Variants in WDR64 observed in about 807,000 individuals in gnomAD.
The protein encoded by WDR64 is WD repeat domain 64, also known as WD repeat-containing protein 64.
Under a neutral mutation model 139.3 loss-of-function variants are expected in WDR64, and 112 were observed. That is an observed-to-expected ratio of 0.80 (90% CI 0.69 to 0.94). The LOEUF (loss-of-function observed/expected upper bound fraction) is 0.94, where lower values mean the gene tolerates loss of function less well. Among genes scored for constraint, WDR64 ranks in the 40% least tolerant of loss-of-function variants. The probability of loss-of-function intolerance (pLI) is 0.00; values close to 1 mark genes in which losing one functional copy is unlikely to be tolerated. For synonymous variants in WDR64, 444 were observed against 437.7 expected (o/e 1.01, Z -0.18); for missense variants, 1,206 against 1,293.1 (o/e 0.93, Z 1.03).
intron 10 of WDR64, among the ~76,000 whole-genome samples, chr1:241,736,113 A>G (rs1247498773): frequency 1.3e-5 from 2 of 151,934 alleles, no homozygotes; most frequent in Non-Finnish European, 2.9e-5. Context: ...ACATGCTGCT[A>G]CCTCTGCTGT....
At chr1:241,732,388 A>G (rs1157032204) in intron 10 of WDR64, among the ~76,000 whole-genome samples, 1 of 152,184 alleles carries the variant, frequency 6.6e-6, no homozygotes, top group African/African-American at 2.4e-5. Context: ...GCTTCTATTA[A>G]TCTTTGTATC....
Position 241,753,383 on chromosome 1 carries a change from G to A in WDR64, c.1770+3661G>A, listed in dbSNP as rs538380202. Among the ~76,000 whole-genome samples, 17 of 152,110 alleles carry A rather than the reference G, an allele frequency of 1.1e-4. No homozygotes were observed. The South Asian group carries it at 3.5e-3, about 32-fold the overall frequency. The stretch of plus-strand genomic sequence containing the variant: ...ACAATTCAAAAATTAAAAATTAATG[G>A]CCTCTCATCAATAATAACCAGTTAG... On this transcript the variant is annotated intron_variant, in intron 14 of 27. Coordinates refer to ENST00000437684, the MANE Select transcript of WDR64 (RefSeq NM_001367482.1).
chr1:241,737,242 AG>A (rs1669365394), intron 10 of WDR64, among the ~76,000 whole-genome samples: 4 of 152,388 alleles, frequency 2.6e-5, no homozygotes, highest in African/African-American at 9.6e-5. Flanking sequence ...TAGCCTACAG[AG>A]GGTTTACATT....
At chr1:241,712,156 A>G (rs1251776772) in intron 9 of WDR64, among the ~76,000 whole-genome samples, 1 of 151,948 alleles carries the variant, frequency 6.6e-6, no homozygotes, top group Non-Finnish European at 1.5e-5. Context: ...ATCCATCTGG[A>G]GCTTATTTTA....
In WDR64 at chr1:241,723,211, AGATACGGGTAT is replaced by A. The variant is rs1385533978; in HGVS notation, c.1055-80_1055-70del. The A allele has an allele frequency of 2.0e-6, 3 of 1,499,982 alleles. No individual in the cohort carries two copies. The South Asian group carries it at 3.8e-5, about 19-fold the overall frequency. The allele number at this position is 1,499,982 out of a possible 1,614,324, so 92.9% of individuals were successfully genotyped here. ...GGACTGTGATTTGCTGTTCGAAGAA[AGATACGGGTAT>A]GATACAGTGAGAGATACATTTGAAA... On this transcript the variant is annotated intron_variant, in intron 9 of 27. Transcript: ENST00000437684.
chr1:241,742,342 C>T (rs181425247), intron 12 of WDR64, among the ~76,000 whole-genome samples: 1 of 152,220 alleles, frequency 6.6e-6, no homozygotes, highest in Non-Finnish European at 1.5e-5. Context: ...TACTGGGCTG[C>T]ATTCCCAGAT....
At chr1:241,791,333 TG>T (rs1659209762) in intron 25 of WDR64, among the ~76,000 whole-genome samples, 1 of 152,122 alleles carries the variant, frequency 6.6e-6, no homozygotes, top group South Asian at 2.1e-4. Flanking sequence ...TCTGACCATG[TG>T]GTCACACAGC....
rs1659522167 is a variant in WDR64, at chr1:241,801,377, A to C, written c.*162A>C. 1.7e-5 allele frequency: 10 copies of C among 579,056 alleles called. No homozygotes were observed. The highest frequency in any genetic ancestry group is 3.0e-5 in the Non-Finnish European group (10 of 338,140). 35.9% of individuals were successfully genotyped at this position (579,056 alleles called of 1,614,324 possible). On this transcript the variant is annotated 3_prime_UTR_variant, in exon 28 of 28. Transcript: ENST00000437684. ...AAAGATTGCTTAGGGAGTTCTGGTGACCTTAACTCTGAATACCAAGCAAGC... is the reference window on the plus strand; with the variant it reads ...AAAGATTGCTTAGGGAGTTCTGGTGCCCTTAACTCTGAATACCAAGCAAGC...
intron 4 of WDR64, among the ~76,000 whole-genome samples, chr1:241,677,904 T>A (rs1470556651): frequency 6.6e-6 from 1 of 152,196 alleles, no homozygotes; most frequent in Admixed American, 6.5e-5. Context: ...AAAAATATGA[T>A]GTAGTTTGCA....
intron 12 of WDR64, among the ~76,000 whole-genome samples, chr1:241,743,728 T>C (rs911362748): frequency 1.3e-5 from 2 of 152,224 alleles, no homozygotes; most frequent in Non-Finnish European, 2.9e-5. Context: ...GTCTAAGGCC[T>C]CTACTGTGTT....
chr1:241,726,398 C>T (rs1399060574), intron 10 of WDR64, among the ~76,000 whole-genome samples: 4 of 146,330 alleles, frequency 2.7e-5, no homozygotes, highest in Non-Finnish European at 6.1e-5. Context: ...AGTGAGACAC[C>T]ATCTTTAAAA....
rs145582321 is a variant in WDR64, at chr1:241,741,163, T to C, written c.1322-353T>C. Among the ~76,000 whole-genome samples, 3 of 152,228 alleles carry C rather than the reference T, an allele frequency of 2.0e-5. No individual in the cohort carries two copies. The East Asian group carries it at 5.8e-4, about 29-fold the overall frequency. On this transcript the variant is annotated intron_variant, in intron 11 of 27. Transcript: ENST00000437684. ...AAGCTGGTCATCACCACTATTGCTG[T>C]GCAACAGATGGAGAGGCATGCTGCA...
chr1:241,800,253 A>T (rs1225365297), intron 27 of WDR64, among the ~76,000 whole-genome samples: 1 of 152,156 alleles, frequency 6.6e-6, no homozygotes, highest in Non-Finnish European at 1.5e-5. Context: ...GTCCAAGCTT[A>T]AAGGATCCGT....
intron 13 of WDR64, among the ~76,000 whole-genome samples, chr1:241,748,355 C>T (rs956075794): frequency 2.6e-5 from 4 of 152,256 alleles, no homozygotes; most frequent in Non-Finnish European, 5.9e-5. Flanking sequence ...CTGGGAAGTT[C>T]GAGATCAAGG....
intron 25 of WDR64, among the ~76,000 whole-genome samples, chr1:241,794,502 C>CTTTTTTTTTTT (rs1659299229): frequency 9.5e-6 from 1 of 105,024 alleles, no homozygotes; most frequent in African/African-American, 4.0e-5. Context: ...TTAAGCTTTA[C>CTTTTTTTTTTT]TGTTTTTTTT....
intron 21 of WDR64, among the ~76,000 whole-genome samples, chr1:241,777,417 CTTT>C (rs35263289): frequency 0.014 from 2,063 of 147,978 alleles, 21 homozygotes; most frequent in East Asian, 0.038. Context: ...GTAATTTCAC[CTTT>C]TTTTTTTTTT....
Position 241,660,654 on chromosome 1 carries a change from G to C in WDR64, c.270G>C (p.Trp90Cys). ...LCNNTDASADWCEIFGYFSSE... is the reference protein window; with the variant it reads ...LCNNTDASADCCEIFGYFSSE... ...ACAACACGGATGCATCTGCAGACTG[G>C]TGTGAGGTAGACTCATTTCATGTTC... Residue 90 changes from tryptophan to cysteine, a missense_variant, in exon 2 of 28, where the codon TGG (tryptophan) becomes TGC (cysteine). Trp to Cys is a radical substitution (Grantham distance 215). Coordinates refer to ENST00000437684, the MANE Select transcript of WDR64 (RefSeq NM_001367482.1). 1.3e-6 allele frequency: 2 copies of C among 1,551,046 alleles called. No homozygotes were observed. Among genetic ancestry groups the C allele is most frequent in the Non-Finnish European group, 1.7e-6 (2 of 1,146,620 alleles).
chr1:241,654,678 T>G (rs2148047252), intron 1 of WDR64, among the ~76,000 whole-genome samples: 1 of 152,338 alleles, frequency 6.6e-6, no homozygotes, highest in South Asian at 2.1e-4. Context: ...ATAGGCTGTA[T>G]AGGCTGAGCA....
intron 20 of WDR64, among the ~76,000 whole-genome samples, chr1:241,774,110 G>A (rs1478738959): frequency 6.6e-6 from 1 of 152,176 alleles, no homozygotes; most frequent in Admixed American, 6.5e-5. Context: ...TAGCCTGAGG[G>A]TGAAGAAAAT....
Sources: gnomAD v4.1 joint callset for allele counts (sites outside exome capture counted in the v4.1 genomes callset) on GRCh38, gnomAD v4.1.1 for gene constraint, MANE v1.5 for transcripts, NCBI Gene and HGNC (gene_info 2026-07-23, HGNC 2026-07-21) for gene names.